TRDN: variants seen among roughly 807,000 people sequenced by gnomAD.
TRDN encodes triadin.
Under a neutral mutation model 149.7 loss-of-function variants are expected in TRDN, and 161 were observed. The observed-to-expected ratio is 1.08, with a 90% CI of 0.95 to 1.23. The LOEUF (loss-of-function observed/expected upper bound fraction) is 1.23. Among genes scored for constraint, TRDN ranks in the 50% most tolerant of loss-of-function variants. TRDN has a pLI of 0.00. For synonymous variants in TRDN, 294 were observed against 250.5 expected (o/e 1.17, Z -1.64); for missense variants, 896 against 823.5 (o/e 1.09, Z -1.08).
chr6:123,443,863 T>A (rs1431452412), intron 10 of TRDN, among the ~76,000 whole-genome samples: 1 of 151,110 alleles, frequency 6.6e-6, no homozygotes, highest in East Asian at 1.9e-4. Context: ...GGCTCTGTTC[T>A]GTTCTATTGA....
intron 5 of TRDN, among the ~76,000 whole-genome samples, chr6:123,530,107 T>C (rs1251326833): frequency 6.6e-6 from 1 of 151,934 alleles, no homozygotes; most frequent in Non-Finnish European, 1.5e-5. Flanking sequence ...TCTGCATTTC[T>C]ACACCAAAGA....
chr6:123,443,099 A>T (rs1463046991), intron 10 of TRDN, among the ~76,000 whole-genome samples: 3 of 152,088 alleles, frequency 2.0e-5, no homozygotes, highest in African/African-American at 4.8e-5. Context: ...GGGAATGGGT[A>T]ACCTAAAAAG....
chr6:123,360,748 A>G (rs1195230395), intron 20 of TRDN, among the ~76,000 whole-genome samples: 1 of 151,340 alleles, frequency 6.6e-6, no homozygotes, highest in African/African-American at 2.4e-5. Context: ...AGAGACAGGG[A>G]GAGAGAGAGA....
chr6:123,273,022 T>C lies in TRDN; in HGVS notation c.1625-11A>G, dbSNP rs1345681986. On this transcript the variant is annotated splice_polypyrimidine_tract_variant and intron_variant, in intron 28 of 40. Transcript: ENST00000334268. ...TCACTATGTCTTGTTCTGAAAATAA[T>C]AAAAAGAAAATCTTTTTTAGGTATT... is the stretch of plus-strand genomic sequence containing the variant. 2.0e-6 allele frequency: 3 copies of C among 1,484,728 alleles called. No individual in the cohort carries two copies. The Admixed American group carries it at 8.3e-5, about 41-fold the overall frequency. The allele number at this position is 1,484,728 out of a possible 1,614,324, so 92.0% of individuals were successfully genotyped here.
intron 37 of TRDN, among the ~76,000 whole-genome samples, chr6:123,254,778 A>G (rs1269686764): frequency 2.6e-5 from 4 of 152,026 alleles, no homozygotes; most frequent in African/African-American, 7.2e-5. Context: ...TTTTACTACC[A>G]TATTACTTTT....
At chr6:123,352,694 A>T (rs1780514166) in intron 20 of TRDN, 108 bp from the exon 21 acceptor site, 1 of 1,398,440 alleles carries the variant, frequency 7.2e-7, no homozygotes, top group African/African-American at 1.5e-5. Context: ...CTTTTACACA[A>T]GTTATTTTGA....
chr6:123,530,545 C>T lies in TRDN; in HGVS notation c.445G>A (p.Glu149Lys), dbSNP rs902398250. ...RKKEIHKDKT[E>K]KQEKPERKIQ... ...TTCCTTTCAGGTTTCTCTTGTTTTT[C>T]AGTCTTATCTTTGTGTATTTCTAAG... is the stretch of plus-strand genomic sequence containing the variant. The change falls in exon 5 of 41, where the codon GAA (glutamate) becomes AAA (lysine). Residue 149 changes from glutamate to lysine, a missense_variant. Coordinates refer to ENST00000334268, the MANE Select transcript of TRDN (RefSeq NM_006073.4). 1 of 1,255,212 alleles carries T rather than the reference C, an allele frequency of 8.0e-7. No homozygotes were observed. Among genetic ancestry groups the T allele is most frequent in the Non-Finnish European group, 1.1e-6 (1 of 937,764 alleles). 77.8% of individuals were successfully genotyped at this position (1,255,212 alleles called of 1,614,324 possible).
chr6:123,309,515 C>A (rs1210885889), intron 24 of TRDN, among the ~76,000 whole-genome samples: 1 of 151,720 alleles, frequency 6.6e-6, no homozygotes, highest in Non-Finnish European at 1.5e-5. Context: ...AAAGTTACAC[C>A]CCTGAACAAG....
Position 123,393,823 on chromosome 6 carries a change from T to C in TRDN, c.1052-146A>G. 8 of 678,044 alleles carry C rather than the reference T, an allele frequency of 1.2e-5. No individual in the cohort carries two copies. In the South Asian group the frequency reaches 1.2e-4, roughly 10 times the overall value. The allele number at this position is 678,044 out of a possible 1,614,324, so 42.0% of individuals were successfully genotyped here. A position where few individuals can be genotyped will look rare whatever the true frequency, so the allele number is the denominator to read the frequency against. On this transcript the variant is annotated intron_variant, in intron 12 of 40. Coordinates refer to ENST00000334268, the MANE Select transcript of TRDN (RefSeq NM_006073.4). The stretch of plus-strand genomic sequence containing the variant: ...AATTTTTGTTAAGACATAAACTTAT[T>C]AGAGGAATTGCTGAGAATGGAGCTT...
At chr6:123,266,091 ATATATATTATATATCATATGTAT>A (rs1192162892) in intron 32 of TRDN, among the ~76,000 whole-genome samples, 72 of 130,562 alleles carry the variant, frequency 5.5e-4, no homozygotes, top group African/African-American at 2.0e-3. Flanking sequence ...TATATATATT[ATATATATTATATATCATATGTAT>A]TATATATTAT....
chr6:123,352,453 T>C, intron 21 of TRDN, 86 bp downstream of exon 21: 1 of 1,568,106 alleles, frequency 6.4e-7, no homozygotes, highest in Non-Finnish European at 8.6e-7. Flanking sequence ...GGTTATTGTC[T>C]TCCGCCTGTC....
chr6:123,272,901 C>A, intron 29 of TRDN, 63 bp downstream of exon 29: 1 of 1,200,328 alleles, frequency 8.3e-7, no homozygotes, highest in Non-Finnish European at 1.2e-6. Flanking sequence ...CTAAACTCTT[C>A]CTTCTGCTAA....
intron 33 of TRDN, among the ~76,000 whole-genome samples, chr6:123,263,086 G>C (rs1582793239): frequency 6.6e-6 from 1 of 152,064 alleles, no homozygotes; most frequent in African/African-American, 2.4e-5. Flanking sequence ...TGAAAGTTAG[G>C]CCTCACGTAC....
chr6:123,225,278 G>C (rs369744614), intron 38 of TRDN, among the ~76,000 whole-genome samples: 1 of 151,684 alleles, frequency 6.6e-6, no homozygotes, highest in Non-Finnish European at 1.5e-5. Context: ...GTTCACTTTT[G>C]ATGGGAATGT....
chr6:123,589,312 T>C (rs1369907158), intron 1 of TRDN, among the ~76,000 whole-genome samples: 2 of 152,174 alleles, frequency 1.3e-5, no homozygotes, highest in East Asian at 3.9e-4. Flanking sequence ...ATTTGGGAAA[T>C]TAATTTTCTA....
chr6:123,268,703 AG>A (rs1220132367), intron 31 of TRDN, among the ~76,000 whole-genome samples: 2 of 152,082 alleles, frequency 1.3e-5, no homozygotes, highest in African/African-American at 4.8e-5. Flanking sequence ...AGGTGTCATC[AG>A]ACTAAACAGA....
At chr6:123,529,901 G>A (rs1780149097) in intron 5 of TRDN, among the ~76,000 whole-genome samples, 1 of 151,952 alleles carries the variant, frequency 6.6e-6, no homozygotes, top group Admixed American at 6.6e-5. Context: ...CCACAGAAAA[G>A]TTATTCTTAT....
chr6:123,551,265 G>A (rs1224050432), intron 2 of TRDN, among the ~76,000 whole-genome samples: 1 of 139,442 alleles, frequency 7.2e-6, no homozygotes, highest in African/African-American at 2.7e-5. Context: ...TTTTTATGAA[G>A]TTATCATTGC....
Position 123,279,072 on chromosome 6 carries a change from G to T in TRDN, c.1521C>A (p.Val507=). The change falls in exon 25 of 41, where the codon GTC becomes GTA. Residue 507 remains valine (V), a synonymous_variant. Coordinates refer to ENST00000334268, the MANE Select transcript of TRDN (RefSeq NM_006073.4). The part of the protein sequence containing the change: ...DEKMSKAGKE[V]KPKPPQLQGK... ...ATAACATACGTGGAGGTTTAGGCTTGACTTCTTTGCCTAGAAAAAAGTAAA... is the reference window on the plus strand; with the variant it reads ...ATAACATACGTGGAGGTTTAGGCTTTACTTCTTTGCCTAGAAAAAAGTAAA... 6.2e-7 allele frequency: 1 copy of T among 1,607,950 alleles called. No homozygotes were observed. The highest frequency in any genetic ancestry group is 1.1e-5 in the South Asian group (1 of 90,016).
Sources: gnomAD v4.1 joint callset for allele counts (sites outside exome capture counted in the v4.1 genomes callset) on GRCh38, gnomAD v4.1.1 for gene constraint, MANE v1.5 for transcripts, NCBI Gene and HGNC (gene_info 2026-07-23, HGNC 2026-07-21) for gene names.